The following GLIS3 variants were observed in gnomAD, a reference collection of about 807,000 sequenced individuals.
The protein encoded by GLIS3 is GLIS family zinc finger 3.
A neutral mutation model predicts 78.6 loss-of-function variants in GLIS3; 53 were observed. That is an observed-to-expected ratio of 0.67 (90% confidence interval 0.54 to 0.85). GLIS3 has a LOEUF of 0.85. GLIS3 is among the 40% of genes least tolerant of loss of function. The pLI is 0.00. For missense variants in GLIS3, 1,703 were observed against 1,231.1 expected, an observed-to-expected ratio of 1.38 and a Z score of -5.74; for synonymous variants, 684 against 509.9, an observed-to-expected ratio of 1.34 and a Z score of -4.60.
At chr9:4,363,293 C>G in the GLIS3 span, among the ~76,000 whole-genome samples, 8 of 152,082 alleles carry the variant, frequency 5.3e-5, no homozygotes, top group African/African-American at 1.9e-4. Flanking sequence ...TGTGGTGGCA[C>G]ATGCCTGTAG....
chr9:4,008,801 T>TTA (rs1190006115), intron 4 of GLIS3, among the ~76,000 whole-genome samples: 3 of 152,126 alleles, frequency 2.0e-5, no homozygotes, highest in Admixed American at 1.3e-4. Flanking sequence ...GAAAGAAACT[T>TTA]TAGAGATGAC....
chr9:4,111,115 G>C (rs74854157), intron 4 of GLIS3, among the ~76,000 whole-genome samples: 55 of 152,218 alleles, frequency 3.6e-4, no homozygotes, highest in African/African-American at 1.3e-3. Flanking sequence ...AATCTCCAAA[G>C]GTTCGACATA....
intron 8 of GLIS3, chr9:3,878,718 C>G (rs1821495064): frequency 6.5e-6 from 1 of 152,698 alleles, no homozygotes; most frequent in South Asian, 2.1e-4. Context: ...CTGAAGCATC[C>G]AACCTCCTTC....
intron 2 of GLIS3, among the ~76,000 whole-genome samples, chr9:4,273,779 C>G (rs183931386): frequency 5.9e-4 from 90 of 152,242 alleles, no homozygotes; most frequent in African/African-American, 2.1e-3. Flanking sequence ...TTCTCTGATG[C>G]TCACTCTCCT....
the GLIS3 span, among the ~76,000 whole-genome samples, chr9:4,404,408 T>G: frequency 6.6e-6 from 1 of 152,142 alleles, no homozygotes; most frequent in Non-Finnish European, 1.5e-5. Flanking sequence ...ATCCAACAGC[T>G]GCAGAATATA....
the GLIS3 span, among the ~76,000 whole-genome samples, chr9:4,409,448 A>G: frequency 6.6e-6 from 1 of 152,210 alleles, no homozygotes. Context: ...TGATCTCCAA[A>G]CATCACCTTA....
intron 2 of GLIS3, among the ~76,000 whole-genome samples, chr9:4,159,662 T>C (rs762729360): frequency 6.6e-5 from 10 of 151,472 alleles, no homozygotes; most frequent in Admixed American, 1.3e-4. Context: ...GAGGTTGCAG[T>C]GAGCCGAGAT....
At chr9:4,003,487 C>G (rs1201238753) in intron 4 of GLIS3, among the ~76,000 whole-genome samples, 1 of 152,156 alleles carries the variant, frequency 6.6e-6, no homozygotes, top group Non-Finnish European at 1.5e-5. Context: ...TGGCATCCCC[C>G]TTAATTGTCT....
In GLIS3 at chr9:4,062,151, G is replaced by A. The variant is rs555257028; in HGVS notation, c.1710+55617C>T. Among the ~76,000 whole-genome samples the A allele has an allele frequency of 3.9e-5, 6 of 152,312 alleles. No homozygotes were observed. In the South Asian group the frequency reaches 1.0e-3, roughly 26 times the overall value. On this transcript the variant is annotated intron_variant, in intron 4 of 10. Coordinates refer to ENST00000381971, the MANE Select transcript of GLIS3 (RefSeq NM_001042413.2). ...AGTTAATGTCTGTAAAGGACTGTGCGTTCTTTGACGCAAAGGAGCTCAACA... is the reference window on the plus strand; with the variant it reads ...AGTTAATGTCTGTAAAGGACTGTGCATTCTTTGACGCAAAGGAGCTCAACA...
chr9:4,167,468 C>G (rs1815966707), intron 2 of GLIS3, among the ~76,000 whole-genome samples: 1 of 152,192 alleles, frequency 6.6e-6, no homozygotes, highest in Non-Finnish European at 1.5e-5. Context: ...GCCTGCCACT[C>G]TGTGAGTCTA....
chr9:4,157,390 A>G (rs1835118479), intron 2 of GLIS3, among the ~76,000 whole-genome samples: 2 of 152,186 alleles, frequency 1.3e-5, no homozygotes, highest in African/African-American at 4.8e-5. Flanking sequence ...TTTTGCATGT[A>G]GTTGAAAAAG....
At chr9:4,222,679 A>G (rs978589938) in intron 2 of GLIS3, among the ~76,000 whole-genome samples, 1 of 152,252 alleles carries the variant, frequency 6.6e-6, no homozygotes, top group African/African-American at 2.4e-5. Flanking sequence ...TGCTACTGTA[A>G]GAGGAAGAAT....
At chr9:3,928,713 T>C (rs946386218) in intron 6 of GLIS3, among the ~76,000 whole-genome samples, 4 of 152,212 alleles carry the variant, frequency 2.6e-5, no homozygotes, top group African/African-American at 9.6e-5. Flanking sequence ...TCGCGCCCAT[T>C]TCAAATGCTA....
At chr9:4,338,811 G>T (rs1817793217) in intron 2 of GLIS3, among the ~76,000 whole-genome samples, 1 of 152,174 alleles carries the variant, frequency 6.6e-6, no homozygotes, top group African/African-American at 2.4e-5. Flanking sequence ...AAAAAGCACT[G>T]TTGCTTGGGT....
chr9:4,325,020 A>G (rs781594607), intron 2 of GLIS3, among the ~76,000 whole-genome samples: 3 of 152,116 alleles, frequency 2.0e-5, no homozygotes, highest in Non-Finnish European at 4.4e-5. Context: ...TGTAGGTACT[A>G]TTTTTGTCCA....
At chr9:4,211,678 G>A (rs1232219336) in intron 2 of GLIS3, among the ~76,000 whole-genome samples, 1 of 152,168 alleles carries the variant, frequency 6.6e-6, no homozygotes, top group African/African-American at 2.4e-5. Flanking sequence ...TATTTATTCA[G>A]AAGAAATGAA....
chr9:3,953,760 G>GCTCTCTCTCT (rs71507912), intron 4 of GLIS3, among the ~76,000 whole-genome samples: 77 of 103,326 alleles, frequency 7.5e-4, no homozygotes, highest in South Asian at 1.9e-3. Flanking sequence ...AATTAGATTT[G>GCTCTCTCTCT]CTCTCTCTCT....
the GLIS3 span, among the ~76,000 whole-genome samples, chr9:4,457,080 G>T: frequency 5.3e-5 from 8 of 152,156 alleles, no homozygotes; most frequent in African/African-American, 1.9e-4. Flanking sequence ...TGTAATATTT[G>T]AACTGGGTAC....
At chr9:4,015,843 C>G (rs796896672) in intron 4 of GLIS3, among the ~76,000 whole-genome samples, 20 of 139,842 alleles carry the variant, frequency 1.4e-4, no homozygotes, top group African/African-American at 5.5e-4. Context: ...GAGCTGAGAT[C>G]ACGCCATTGC....
Sources: gnomAD v4.1 joint callset for allele counts (sites outside exome capture counted in the v4.1 genomes callset) on GRCh38, gnomAD v4.1.1 for gene constraint, MANE v1.5 for transcripts, NCBI Gene and HGNC (gene_info 2026-07-23, HGNC 2026-07-21) for gene names.